The following CMC1 variants were observed in gnomAD, a reference collection of about 807,000 sequenced individuals.
CMC1 encodes COX assembly mitochondrial protein homolog.
In CMC1, 14 loss-of-function variants were observed where a neutral mutation model predicts 14.1. The observed-to-expected ratio is 0.99, with a 90% CI of 0.66 to 1.55. The LOEUF (loss-of-function observed/expected upper bound fraction) is 1.55, where lower values mean the gene tolerates loss of function less well. CMC1 is among the 40% of genes most tolerant of loss of function. The pLI, the probability that CMC1 is intolerant of heterozygous loss-of-function variation, is 0.00. For synonymous variants in CMC1, 50 were observed against 38.4 expected (o/e 1.30, Z -1.12); for missense variants, 127 against 123.8 (o/e 1.03, Z -0.12).
rs75634327 is a variant in CMC1 at position 28,291,057 on chromosome 3, C to T, written c.110-25276C>T. On this transcript the variant is annotated intron_variant, in intron 2 of 3. Transcript: ENST00000466830. ...GCTGGGTTGATAGCCTTACTTCCTT[C>T]CCACATGAGCCTTTTCCACATGGCA... 1.6e-3 allele frequency among the ~76,000 whole-genome samples: 248 copies of T among 152,234 alleles called. 3 individuals carry two copies. The highest frequency in any genetic ancestry group is 5.6e-3 in the African/African-American group (233 of 41,530).
At chr3:28,256,546 T>G (rs1275836466) in intron 1 of CMC1, among the ~76,000 whole-genome samples, 1 of 152,196 alleles carries the variant, frequency 6.6e-6, no homozygotes, top group East Asian at 1.9e-4. Context: ...CACATAAAAC[T>G]GACCATCACA....
chr3:28,261,283 G>A (rs943682878), intron 1 of CMC1, among the ~76,000 whole-genome samples: 5 of 151,876 alleles, frequency 3.3e-5, no homozygotes, highest in Admixed American at 1.3e-4. Context: ...TTTCTGTAGT[G>A]TGGTTTTGTT....
intron 1 of CMC1, among the ~76,000 whole-genome samples, chr3:28,259,423 C>G (rs1039801076): frequency 5.3e-5 from 8 of 151,772 alleles, no homozygotes; most frequent in South Asian, 2.1e-4. Flanking sequence ...GAAAAAATGT[C>G]AAAAAAGGGT....
Position 28,241,760 on chromosome 3 carries a change from C to G in CMC1, c.-34C>G, listed in dbSNP as rs957114660. The stretch of plus-strand genomic sequence containing the variant: ...CTCCCCTTCCTGCGTGCCCCGGAGC[C>G]GCCAAGCGGCTACGTTCTTCTCGGC... On this transcript the variant is annotated 5_prime_UTR_variant, in exon 1 of 4. Transcript: ENST00000466830. 3.2e-6 allele frequency: 4 copies of G among 1,241,690 alleles called. No individual in the cohort carries two copies. The highest frequency in any genetic ancestry group is 4.0e-6 in the Non-Finnish European group (4 of 988,096). 76.9% of individuals were successfully genotyped at this position (1,241,690 alleles called of 1,614,324 possible).
At chr3:28,312,123 A>G (rs1702666547) in intron 2 of CMC1, among the ~76,000 whole-genome samples, 1 of 152,212 alleles carries the variant, frequency 6.6e-6, no homozygotes, top group Non-Finnish European at 1.5e-5. Flanking sequence ...TTATGGAAAT[A>G]TTGCCTATAG....
Position 28,322,334 on chromosome 3 carries a change from G to C in CMC1, c.*2705G>C, listed in dbSNP as rs1391536046. On this transcript the variant is annotated 3_prime_UTR_variant, in exon 4 of 4. Transcript: ENST00000466830. ...ACTAGATTTTGAGATCTATAGGCAA[G>C]GACAATATTTCACATCCACTTCAAT... is the stretch of plus-strand genomic sequence containing the variant. 1.3e-5 allele frequency: 2 copies of C among 151,128 alleles called. No homozygotes were observed. Among genetic ancestry groups the C allele is most frequent in the South Asian group, 4.1e-4 (2 of 4,822 alleles). 9.4% of individuals were successfully genotyped at this position (151,128 alleles called of 1,614,324 possible).
At chr3:28,306,813 T>C (rs555469025) in intron 2 of CMC1, among the ~76,000 whole-genome samples, 29 of 152,068 alleles carry the variant, frequency 1.9e-4, no homozygotes, top group African/African-American at 7.0e-4. Flanking sequence ...CATGGCTAAT[T>C]TTTGTACTTT....
At chr3:28,296,933 T>C (rs1197120514) in intron 2 of CMC1, among the ~76,000 whole-genome samples, 1 of 152,156 alleles carries the variant, frequency 6.6e-6, no homozygotes, top group Non-Finnish European at 1.5e-5. Flanking sequence ...GCTGCCTTTC[T>C]AGTAGCCTGT....
At position 28,324,094 on chromosome 3, in the gene CMC1, G is replaced by A. The variant is rs551633836; in HGVS notation, c.*4465G>A. 6.2e-7 allele frequency: 1 copy of A among 1,610,006 alleles called. No homozygotes were observed. Among genetic ancestry groups the A allele is most frequent in the Admixed American group, 1.7e-5 (1 of 59,760 alleles). ...ATGTTGATCCAAGTAATGCAGTGGT[G>A]GAAGGTTGGGTAAAGGCAAAGTTTT... is the stretch of plus-strand genomic sequence containing the variant. On this transcript the variant is annotated 3_prime_UTR_variant, in exon 4 of 4. Coordinates refer to ENST00000466830, the MANE Select transcript of CMC1 (RefSeq NM_182523.2).
At chr3:28,278,150 G>A (rs1242243883) in intron 2 of CMC1, among the ~76,000 whole-genome samples, 2 of 121,472 alleles carry the variant, frequency 1.6e-5, no homozygotes, top group Non-Finnish European at 3.5e-5. Flanking sequence ...GTGAGAATGA[G>A]CACATTTGAG....
chr3:28,282,299 G>A (rs981583388), intron 2 of CMC1, among the ~76,000 whole-genome samples: 2 of 152,152 alleles, frequency 1.3e-5, no homozygotes, highest in African/African-American at 2.4e-5. Flanking sequence ...CTAAAGAGAC[G>A]TCCCTATCTC....
At chr3:28,263,075 C>CA (rs1699815460) in intron 1 of CMC1, 1 of 457,724 alleles carries the variant, frequency 2.2e-6, no homozygotes, top group Non-Finnish European at 3.9e-6. Context: ...TTTTAAGAAA[C>CA]ATGTTGCTTG....
chr3:28,258,892 G>A lies in CMC1; in HGVS notation c.20-4399G>A, dbSNP rs376875925. On this transcript the variant is annotated intron_variant, in intron 1 of 3. Coordinates refer to ENST00000466830, the MANE Select transcript of CMC1 (RefSeq NM_182523.2). ...CCCGCCTCGGCCTCCCAAAGTGCTG[G>A]GATTACAGGCGTGAGCCACTGTGCC... 6.6e-5 allele frequency among the ~76,000 whole-genome samples: 10 copies of A among 152,072 alleles called. No homozygotes were observed. In the East Asian group the frequency reaches 1.5e-3, roughly 24 times the overall value.
Position 28,320,385 on chromosome 3 carries a change from A to G in CMC1, c.*756A>G, listed in dbSNP as rs1007580075. 6.6e-6 allele frequency: 1 copy of G among 151,544 alleles called. No homozygotes were observed. The highest frequency in any genetic ancestry group is 1.5e-5 in the Non-Finnish European group (1 of 67,662). The allele number at this position is 151,544 out of a possible 1,614,324, so 9.4% of individuals were successfully genotyped here. On this transcript the variant is annotated 3_prime_UTR_variant, in exon 4 of 4. Transcript: ENST00000466830. ...CAAAACATAATAGGGTGTAAAAAAT[A>G]GAAGGACAAACAAGTGTGGGCAAAC...
intron 3 of CMC1, chr3:28,316,859 G>A (rs530300738): frequency 1.3e-5 from 2 of 152,010 alleles, no homozygotes; most frequent in African/African-American, 4.8e-5. Flanking sequence ...ATGATAAAAA[G>A]GTAAATTTAG....
At chr3:28,255,019 G>C (rs554075238) in intron 1 of CMC1, among the ~76,000 whole-genome samples, 1 of 152,088 alleles carries the variant, frequency 6.6e-6, no homozygotes. Flanking sequence ...CCACAGGTCC[G>C]CAACTGAATT....
chr3:28,251,184 T>C (rs1699107986), intron 1 of CMC1, among the ~76,000 whole-genome samples: 1 of 152,170 alleles, frequency 6.6e-6, no homozygotes, highest in Non-Finnish European at 1.5e-5. Flanking sequence ...GCTTGGCTTC[T>C]GATGAGAACA....
At chr3:28,314,470 T>TA (rs1702790514) in intron 2 of CMC1, among the ~76,000 whole-genome samples, 1 of 152,188 alleles carries the variant, frequency 6.6e-6, no homozygotes, top group Non-Finnish European at 1.5e-5. Context: ...ATAAAGAAGA[T>TA]ACTTGATTAC....
At chr3:28,256,860 T>C (rs1699438922) in intron 1 of CMC1, among the ~76,000 whole-genome samples, 1 of 152,224 alleles carries the variant, frequency 6.6e-6, no homozygotes, top group Non-Finnish European at 1.5e-5. Flanking sequence ...CTGTTTCTGA[T>C]TGTCTACATA....
Sources: allele counts gnomAD v4.1 joint callset (sites outside exome capture counted in the v4.1 genomes callset), GRCh38; gene constraint gnomAD v4.1.1; transcripts MANE v1.5; gene names NCBI Gene and HGNC (gene_info 2026-07-23, HGNC 2026-07-21).